DNAAF9: variants seen among roughly 807,000 people sequenced by gnomAD.
DNAAF9 encodes the protein shulin.
Under a neutral mutation model 167.0 loss-of-function variants are expected in DNAAF9, and 90 were observed. That is an observed-to-expected ratio of 0.54 (90% confidence interval 0.45 to 0.64). The LOEUF is 0.64. Ranked by LOEUF, DNAAF9 falls within the 30% of genes least tolerant of loss-of-function variation. The pLI is 0.00. For missense variants in DNAAF9, 1,315 were observed against 1,442.2 expected (o/e 0.91, Z 1.43); for synonymous variants, 491 against 508.8 (o/e 0.96, Z 0.47).
intron 31 of DNAAF9, among the ~76,000 whole-genome samples, chr20:3,264,063 C>T (rs1457975784): frequency 6.6e-6 from 1 of 152,208 alleles, no homozygotes; most frequent in East Asian, 1.9e-4. Context: ...CAGATGGGAA[C>T]CCTAGAGGAC....
chr20:3,297,039 T>A, intron 22 of DNAAF9, 90 bp from the exon 23 acceptor site: 1 of 755,908 alleles, frequency 1.3e-6, no homozygotes, highest in Non-Finnish European at 2.3e-6. Flanking sequence ...GTTGAAAATC[T>A]AGACTGTCAC....
At chr20:3,374,951 CA>C in intron 5 of DNAAF9, 78 bp downstream of exon 5, 1 of 752,788 alleles carries the variant, frequency 1.3e-6, no homozygotes, top group Non-Finnish European at 2.3e-6. Flanking sequence ...TGAATGCCCC[CA>C]ATGAAAGGAA....
At chr20:3,359,132 C>T (rs923189671) in intron 7 of DNAAF9, among the ~76,000 whole-genome samples, 1 of 152,188 alleles carries the variant, frequency 6.6e-6, no homozygotes, top group African/African-American at 2.4e-5. Flanking sequence ...GTTTGCCCCC[C>T]GGGCTCTAAT....
At position 3,278,899 on chromosome 20, in the gene DNAAF9, G is replaced by A. The variant is rs1480381115; in HGVS notation, c.2650+13C>T. 6.4e-7 allele frequency: 1 copy of A among 1,572,028 alleles called. No individual in the cohort carries two copies. Among genetic ancestry groups the A allele is most frequent in the East Asian group, 2.2e-5 (1 of 44,708 alleles). ...GCAAGGCATGCAGGCTGAAAATAAAGTATATTACTTACCTTGTGAACACTG... is the reference window on the plus strand; with the variant it reads ...GCAAGGCATGCAGGCTGAAAATAAAATATATTACTTACCTTGTGAACACTG... On this transcript the variant is annotated intron_variant, in intron 29 of 36. Transcript: ENST00000252032.
Position 3,315,088 on chromosome 20 carries a change from T to C in DNAAF9, c.1623A>G (p.Thr541=). 2 of 1,611,688 alleles carry C rather than the reference T, an allele frequency of 1.2e-6. No individual in the cohort carries two copies. The highest frequency in any genetic ancestry group is 1.7e-6 in the Non-Finnish European group (2 of 1,177,754). The change falls in exon 20 of 37, where the codon ACA becomes ACG. Residue 541 remains threonine, a synonymous_variant. Transcript: ENST00000252032. This position sits in a 1 kb window ranked among gnomAD's most constrained non-coding sequence, Gnocchi z 4.1. ...GDESFLGTYL[T]GGEGAYLYSS... ...AATAAAGATATGCTCCTTCTCCTCCTGTTAGATAAGTGCCCAGGAAAGACT... is the reference window on the plus strand; with the variant it reads ...AATAAAGATATGCTCCTTCTCCTCCCGTTAGATAAGTGCCCAGGAAAGACT...
intron 2 of DNAAF9, 85 bp from the exon 3 acceptor site, chr20:3,381,583 C>T: frequency 7.1e-7 from 1 of 1,414,638 alleles, no homozygotes; most frequent in Middle Eastern, 1.8e-4. Flanking sequence ...TAGCAAAACC[C>T]TGATGATCAA....
chr20:3,318,108 T>TC (rs1568601057), intron 17 of DNAAF9, among the ~76,000 whole-genome samples, 181 bp downstream of exon 17: 1 of 150,054 alleles, frequency 6.7e-6, no homozygotes, highest in East Asian at 2.0e-4. Flanking sequence ...GTTTCTCTTT[T>TC]TTTTTTTTTT....
At chr20:3,303,062 C>T (rs1432512700) in intron 21 of DNAAF9, among the ~76,000 whole-genome samples, 1 of 152,028 alleles carries the variant, frequency 6.6e-6, no homozygotes, top group Non-Finnish European at 1.5e-5. Flanking sequence ...CATAGTGAAA[C>T]CCCGTCTCTA....
intron 33 of DNAAF9, among the ~76,000 whole-genome samples, chr20:3,256,507 ATTTTG>A (rs2068283373): frequency 6.6e-6 from 1 of 152,068 alleles, no homozygotes; most frequent in Admixed American, 6.6e-5. Context: ...GGGAGATCCC[ATTTTG>A]TTTTGTTTTT....
Position 3,281,542 on chromosome 20 carries a change from AC to A in DNAAF9, c.2612+98del, listed in dbSNP as rs2068764235. 4 of 1,127,944 alleles carry A rather than the reference AC, an allele frequency of 3.5e-6. No individual in the cohort carries two copies. The Admixed American group carries it at 1.0e-4, about 30-fold the overall frequency. 69.9% of individuals were successfully genotyped at this position (1,127,944 alleles called of 1,614,324 possible). A position where few individuals can be genotyped will look rare whatever the true frequency, so the allele number is the denominator to read the frequency against. ...CACTAATAAAAGAACAGCATTTACT[AC>A]ATACAAGGTGACTAATGCATTCCAA... On this transcript the variant is annotated intron_variant, in intron 28 of 36. Coordinates refer to ENST00000252032, the MANE Select transcript of DNAAF9 (RefSeq NM_001009984.3).
At chr20:3,301,040 G>A in intron 21 of DNAAF9, among the ~76,000 whole-genome samples, 1 of 150,656 alleles carries the variant, frequency 6.6e-6, no homozygotes, top group Non-Finnish European at 1.5e-5. Flanking sequence ...TCAGAGACAG[G>A]GTCTTGCTCT....
chr20:3,256,003 C>G lies in DNAAF9; in HGVS notation c.3261+3G>C. On this transcript the variant is annotated splice_donor_region_variant and intron_variant, in intron 34 of 36. Transcript: ENST00000252032. ...TCAGGTCTGTCTGGGCTCTGGAAAC[C>G]ACCTGCTTAGCTGACTGCCGCAGCC... 6.2e-7 allele frequency: 1 copy of G among 1,611,474 alleles called. No homozygotes were observed. The highest frequency in any genetic ancestry group is 2.2e-5 in the East Asian group (1 of 44,884).
Position 3,315,617 on chromosome 20 carries a change from G to T in DNAAF9, c.1590+118C>A. 1.2e-6 allele frequency: 1 copy of T among 817,196 alleles called. No individual in the cohort carries two copies. Among genetic ancestry groups the T allele is most frequent in the Non-Finnish European group, 2.1e-6 (1 of 472,450 alleles). The allele number at this position is 817,196 out of a possible 1,614,324, so 50.6% of individuals were successfully genotyped here. A position where few individuals can be genotyped will look rare whatever the true frequency, so the allele number is the denominator to read the frequency against. On this transcript the variant is annotated intron_variant, in intron 19 of 36. Coordinates refer to ENST00000252032, the MANE Select transcript of DNAAF9 (RefSeq NM_001009984.3). The surrounding 1 kb of genome is among the most constrained non-coding windows in gnomAD (Gnocchi z 4.1). ...GGGAGGAATGCAAATAGGAAGTGAA[G>T]ACAACATAGTGCAAGTCTTTTAGAT...
At chr20:3,260,418 T>C (rs1424717359) in intron 31 of DNAAF9, among the ~76,000 whole-genome samples, 13 of 152,204 alleles carry the variant, frequency 8.5e-5, no homozygotes, top group Admixed American at 3.9e-4. Flanking sequence ...CAAAAACTTG[T>C]TTAAATATGT....
At chr20:3,353,603 G>A (rs1205385347) in intron 7 of DNAAF9, among the ~76,000 whole-genome samples, 2 of 149,976 alleles carry the variant, frequency 1.3e-5, no homozygotes, top group African/African-American at 4.9e-5. Flanking sequence ...ACTCCAGCCT[G>A]GGTAATAGAG....
intron 27 of DNAAF9, among the ~76,000 whole-genome samples, chr20:3,283,138 A>C (rs2068790786): frequency 6.6e-6 from 1 of 151,982 alleles, no homozygotes; most frequent in Non-Finnish European, 1.5e-5. Flanking sequence ...GTAGAGGAGA[A>C]CTCTTTCCTG....
At chr20:3,318,688 C>G (rs2069553635) in intron 16 of DNAAF9, among the ~76,000 whole-genome samples, 1 of 152,146 alleles carries the variant, frequency 6.6e-6, no homozygotes, top group African/African-American at 2.4e-5. Context: ...TGACTAGGCA[C>G]AGTGGCTCAT....
rs1376536487 is a variant in DNAAF9 at position 3,250,593 on chromosome 20, C to G, written c.*1979G>C. 6.6e-6 allele frequency: 1 copy of G among 152,228 alleles called. No homozygotes were observed. The highest frequency in any genetic ancestry group is 6.5e-5 in the Admixed American group (1 of 15,278). 9.4% of individuals were successfully genotyped at this position (152,228 alleles called of 1,614,324 possible). A position where few individuals can be genotyped will look rare whatever the true frequency, so the allele number is the denominator to read the frequency against. On this transcript the variant is annotated 3_prime_UTR_variant, in exon 37 of 37. Coordinates refer to ENST00000252032, the MANE Select transcript of DNAAF9 (RefSeq NM_001009984.3). ...ACAGTGGGGCAAGTTGGTGAGAGAG[C>G]ATTTCTGTGAAGAGAAACAAAGACC...
intron 1 of DNAAF9, among the ~76,000 whole-genome samples, chr20:3,389,114 G>A (rs376917002): frequency 6.6e-6 from 1 of 151,572 alleles, no homozygotes; most frequent in Non-Finnish European, 1.5e-5. Flanking sequence ...GATTACAGGC[G>A]CCCGCCACCC....
Sources: gnomAD v4.1 joint callset for allele counts (sites outside exome capture counted in the v4.1 genomes callset) on GRCh38, gnomAD v4.1.1 for gene constraint, Gnocchi (gnomAD v3.1) non-coding constraint, MANE v1.5 for transcripts, NCBI Gene and HGNC (gene_info 2026-07-23, HGNC 2026-07-21) for gene names.